XKR4: variants seen among roughly 807,000 people sequenced by gnomAD.
XKR4 encodes the protein XK related 4, also known as XK-related protein 4.
In XKR4, 12 loss-of-function variants were observed where a neutral mutation model predicts 53.9. That is an observed-to-expected ratio of 0.22 (90% confidence interval 0.14 to 0.36). The LOEUF (loss-of-function observed/expected upper bound fraction) is 0.36. XKR4 is among the 10% of genes least tolerant of loss of function. The pLI is 1.00. For synonymous variants in XKR4, 354 were observed against 362.4 expected, an observed-to-expected ratio of 0.98 and a Z score of 0.26; for missense variants, 799 against 859.5, an observed-to-expected ratio of 0.93 and a Z score of 0.88.
chr8:55,286,214 TG>T (rs1247502096), intron 1 of XKR4, among the ~76,000 whole-genome samples: 5 of 152,048 alleles, frequency 3.3e-5, no homozygotes, highest in African/African-American at 4.8e-5. Context: ...AGAAAAAGAA[TG>T]GAGATCTTCT....
intron 1 of XKR4, among the ~76,000 whole-genome samples, chr8:55,175,344 A>G (rs972170495): frequency 6.6e-6 from 1 of 152,244 alleles, no homozygotes; most frequent in African/African-American, 2.4e-5. Flanking sequence ...TCTGGTTGCT[A>G]TGGAGTCCAT....
intron 1 of XKR4, among the ~76,000 whole-genome samples, chr8:55,219,999 C>T (rs1385791078): frequency 6.6e-6 from 1 of 152,050 alleles, no homozygotes; most frequent in African/African-American, 2.4e-5. Flanking sequence ...ATCTATTGCA[C>T]TGTGATAACC....
chr8:55,417,135 C>T (rs1398477070), intron 2 of XKR4, among the ~76,000 whole-genome samples: 1 of 152,090 alleles, frequency 6.6e-6, no homozygotes, highest in African/African-American at 2.4e-5. Flanking sequence ...CCATTGTCGT[C>T]GTGGGTACTA....
At chr8:55,469,410 A>G (rs1805838222) in intron 2 of XKR4, among the ~76,000 whole-genome samples, 1 of 151,954 alleles carries the variant, frequency 6.6e-6, no homozygotes, top group Admixed American at 6.6e-5. Flanking sequence ...TGCTATTAAT[A>G]TTTCCTCATT....
rs144152776 is a variant in XKR4 at position 55,197,808 on chromosome 8, G to T, written c.806+94514G>T. 7.0e-3 allele frequency among the ~76,000 whole-genome samples: 1,061 copies of T among 152,302 alleles called. 11 individuals are homozygous for T. Among genetic ancestry groups the T allele is most frequent in the Non-Finnish European group, 8.0e-3 (545 of 68,020 alleles). Reference sequence around the variant, plus strand: ...TCCACCTGCCTCAGCCTCCGAAAGTGCTGGGATTACAGGCGTGAGCCACCA... The same window carrying T: ...TCCACCTGCCTCAGCCTCCGAAAGTTCTGGGATTACAGGCGTGAGCCACCA... On this transcript the variant is annotated intron_variant, in intron 1 of 2. Coordinates refer to ENST00000327381, the MANE Select transcript of XKR4 (RefSeq NM_052898.2).
At chr8:55,206,499 C>T (rs1319366482) in intron 1 of XKR4, among the ~76,000 whole-genome samples, 4 of 151,894 alleles carry the variant, frequency 2.6e-5, no homozygotes, top group Non-Finnish European at 5.9e-5. Context: ...TTTCCTTCAT[C>T]CACAGCACAC....
intron 1 of XKR4, among the ~76,000 whole-genome samples, chr8:55,303,256 C>A (rs983288589): frequency 2.0e-5 from 3 of 151,976 alleles, no homozygotes; most frequent in South Asian, 2.1e-4. Context: ...TGATATAATC[C>A]TGTGGTTTTT....
At chr8:55,463,589 T>C (rs1450125015) in intron 2 of XKR4, among the ~76,000 whole-genome samples, 3 of 151,828 alleles carry the variant, frequency 2.0e-5, no homozygotes, top group African/African-American at 7.3e-5. Flanking sequence ...AGCAAACACG[T>C]TCAAAAGCTA....
At chr8:55,336,881 G>A (rs528352412) in intron 1 of XKR4, among the ~76,000 whole-genome samples, 2 of 152,168 alleles carry the variant, frequency 1.3e-5, no homozygotes, top group African/African-American at 4.8e-5. Context: ...CATGCATCAG[G>A]CGCACACGAA....
intron 1 of XKR4, among the ~76,000 whole-genome samples, chr8:55,306,589 C>T (rs1318437455): frequency 6.6e-6 from 1 of 152,138 alleles, no homozygotes; most frequent in Non-Finnish European, 1.5e-5. Flanking sequence ...AAGAAAACTC[C>T]CACTTATAGT....
At chr8:55,258,140 G>A (rs1818467339) in intron 1 of XKR4, among the ~76,000 whole-genome samples, 2 of 152,212 alleles carry the variant, frequency 1.3e-5, no homozygotes, top group African/African-American at 4.8e-5. Context: ...GAGAATGCAG[G>A]TTTTGCTCAG....
At chr8:55,215,791 T>A (rs1678507514) in intron 1 of XKR4, among the ~76,000 whole-genome samples, 1 of 152,214 alleles carries the variant, frequency 6.6e-6, no homozygotes, top group South Asian at 2.1e-4. Flanking sequence ...AACATTATTC[T>A]TAGTAGTAAG....
At chr8:55,225,531 T>A (rs1240053971) in intron 1 of XKR4, among the ~76,000 whole-genome samples, 1 of 152,216 alleles carries the variant, frequency 6.6e-6, no homozygotes, top group Non-Finnish European at 1.5e-5. Flanking sequence ...GAAATATCTA[T>A]GGAACCATTC....
intron 1 of XKR4, among the ~76,000 whole-genome samples, chr8:55,285,703 A>G (rs982463518): frequency 6.6e-6 from 1 of 152,194 alleles, no homozygotes; most frequent in African/African-American, 2.4e-5. Flanking sequence ...AGGGGTGTTC[A>G]GGATCTCCAA....
At chr8:55,168,974 G>A (rs530639108) in intron 1 of XKR4, among the ~76,000 whole-genome samples, 8 of 152,224 alleles carry the variant, frequency 5.3e-5, no homozygotes, top group South Asian at 2.1e-4. Context: ...GATAGATCAC[G>A]TCTTGATGAA....
At chr8:55,483,592 T>C (rs1485813954) in intron 2 of XKR4, among the ~76,000 whole-genome samples, 1 of 151,692 alleles carries the variant, frequency 6.6e-6, no homozygotes, top group Non-Finnish European at 1.5e-5. Context: ...ACAACACCCT[T>C]CAAAAATAAT....
Position 55,523,290 on chromosome 8 carries a change from C to A in XKR4, c.1016C>A (p.Ala339Glu). ...CTGTTTGCCTTTGTAGGTTTCACAG[C>A]GGCAGCTTCCCTCGTGTCCCTGGCC... is the stretch of plus-strand genomic sequence containing the variant. ...HSLQALQGFT[A>E]AASLVSLAWA... Residue 339 changes from alanine (A) to glutamate (E), a missense_variant, in exon 3 of 3, where the codon GCG becomes GAG. By Grantham distance (107) the Ala-to-Glu change is moderately radical. Around this residue, in one of 3 missense-constraint regions of XKR4, gnomAD observed 476 missense variants for 505.4 expected, o/e 0.94. Transcript: ENST00000327381. 3.1e-6 allele frequency: 5 copies of A among 1,599,350 alleles called. No homozygotes were observed. The highest frequency in any genetic ancestry group is 2.2e-5 in the East Asian group (1 of 44,700).
At chr8:55,258,762 CG>C (rs1818473930) in intron 1 of XKR4, among the ~76,000 whole-genome samples, 1 of 152,098 alleles carries the variant, frequency 6.6e-6, no homozygotes, top group Non-Finnish European at 1.5e-5. Context: ...TCTGCACTCC[CG>C]TGGGGCATAG....
chr8:55,303,712 T>G (rs200762001), intron 1 of XKR4, among the ~76,000 whole-genome samples: 2 of 152,340 alleles, frequency 1.3e-5, no homozygotes, highest in East Asian at 3.9e-4. Context: ...AACTTCTTCC[T>G]GGTTTAGTCT....
Sources: allele counts gnomAD v4.1 joint callset (sites outside exome capture counted in the v4.1 genomes callset), GRCh38; gene constraint gnomAD v4.1.1; regional missense constraint gnomAD v4.1.1; transcripts MANE v1.5; gene names NCBI Gene and HGNC (gene_info 2026-07-23, HGNC 2026-07-21).